ALPL: variants seen among roughly 807,000 people sequenced by gnomAD.
The protein encoded by ALPL is alkaline phosphatase, tissue-nonspecific isozyme.
ALPL carries 42 observed loss-of-function variants against 51.3 expected under a neutral mutation model. That is an observed-to-expected ratio of 0.82 (90% CI 0.64 to 1.06). ALPL has a LOEUF of 1.06. Ranked by LOEUF, ALPL falls within the 50% of genes least tolerant of loss-of-function variation. The pLI is 0.00. For missense variants in ALPL, 589 were observed against 709.4 expected (o/e 0.83, Z 1.93); for synonymous variants, 279 against 296.4 (o/e 0.94, Z 0.60).
At chr1:21,575,665 T>C in intron 9 of ALPL, 68 bp from the exon 10 acceptor site, 2 of 1,579,762 alleles carry the variant, frequency 1.3e-6, no homozygotes, top group Non-Finnish European at 1.7e-6. Context: ...AGCAGCAGTG[T>C]TGTGGGGCTG....
rs764258987 is a variant in ALPL, at chr1:21,573,662, C to T, written c.863-3C>T. The T allele has an allele frequency of 1.2e-6, 2 of 1,613,684 alleles. No homozygotes were observed. The highest frequency in any genetic ancestry group is 3.3e-5 in the Admixed American group (2 of 59,942). ...ATCCACATCCTCCTGGCGTCCTCCT[C>T]AGGTCTCTTCGAGCCAGGGGACATG... is the stretch of plus-strand genomic sequence containing the variant. On this transcript the variant is annotated splice_region_variant and splice_polypyrimidine_tract_variant and intron_variant, in intron 8 of 11. Transcript: ENST00000374840.
chr1:21,558,820 G>A (rs1031303776), intron 2 of ALPL, among the ~76,000 whole-genome samples: 5 of 152,190 alleles, frequency 3.3e-5, no homozygotes, highest in South Asian at 2.1e-4. Context: ...GCACCCTGGC[G>A]GCTCCTCGCC....
chr1:21,570,348 A>AC lies in ALPL; in HGVS notation c.841dup (p.His281ProfsTer57), dbSNP rs1057516526. 6.2e-7 allele frequency: 1 copy of AC among 1,613,762 alleles called. No individual in the cohort carries two copies. Among genetic ancestry groups the AC allele is most frequent in the Non-Finnish European group, 8.5e-7 (1 of 1,179,966 alleles). ...AACCGCACGGAACTCCTGACCCTTG[A>AC]CCCCCACAATGTGGACTACCTATTG... On this transcript the variant is annotated frameshift_variant, in exon 8 of 12. Coordinates refer to ENST00000374840, the MANE Select transcript of ALPL (RefSeq NM_000478.6). LOFTEE classifies it high-confidence loss of function.
rs1643873171 is a variant in ALPL at position 21,520,532 on chromosome 1, A to C, written c.-105+11015A>C. Among the ~76,000 whole-genome samples the C allele has an allele frequency of 3.2e-5, 4 of 124,018 alleles. No individual in the cohort carries two copies. In the Admixed American group the frequency reaches 4.2e-4, roughly 13 times the overall value. 81.4% of individuals were successfully genotyped at this position (124,018 alleles called of 152,430 possible). A position where few individuals can be genotyped will look rare whatever the true frequency, so the allele number is the denominator to read the frequency against. Reference sequence around the variant, plus strand: ...GCCCAGGATGGAGTGCAGTGGCTTGATCTTGGCTCACTGCAGCCTCCCAGG... The same window carrying C: ...GCCCAGGATGGAGTGCAGTGGCTTGCTCTTGGCTCACTGCAGCCTCCCAGG... On this transcript the variant is annotated intron_variant, in intron 1 of 11. Coordinates refer to ENST00000374840, the MANE Select transcript of ALPL (RefSeq NM_000478.6).
intron 9 of ALPL, chr1:21,574,188 G>A (rs1481655127): frequency 2.0e-6 from 2 of 985,334 alleles, no homozygotes; most frequent in Non-Finnish European, 2.4e-6. Flanking sequence ...CTCTTTCAGC[G>A]CCGGCCAGGG....
intron 1 of ALPL, among the ~76,000 whole-genome samples, chr1:21,546,974 G>T (rs1424905949): frequency 1.3e-5 from 2 of 152,220 alleles, no homozygotes; most frequent in East Asian, 3.9e-4. Flanking sequence ...TAGCCAAGGG[G>T]TTCCCTTCCA....
intron 1 of ALPL, among the ~76,000 whole-genome samples, chr1:21,535,798 T>C (rs949471146): frequency 6.6e-6 from 1 of 152,142 alleles, no homozygotes; most frequent in Non-Finnish European, 1.5e-5. Flanking sequence ...CTCAGCCCAC[T>C]CCACTCCAAT....
At chr1:21,573,609 C>A (rs1443476045) in intron 8 of ALPL, 56 bp from the exon 9 acceptor site, 2 of 1,605,022 alleles carry the variant, frequency 1.2e-6, no homozygotes, top group South Asian at 1.1e-5. Flanking sequence ...TCCTTGGAGT[C>A]CTCCTAGCCG....
At chr1:21,549,071 T>G (rs868364542) in intron 1 of ALPL, among the ~76,000 whole-genome samples, 4 of 152,214 alleles carry the variant, frequency 2.6e-5, no homozygotes, top group African/African-American at 9.7e-5. Flanking sequence ...CATAAGCCAG[T>G]GTTAAAAGGA....
At chr1:21,568,492 C>T (rs775066110) in intron 7 of ALPL, among the ~76,000 whole-genome samples, 82 of 151,754 alleles carry the variant, frequency 5.4e-4, no homozygotes, top group African/African-American at 1.1e-3. Flanking sequence ...GAATAACCTG[C>T]GTGGACATTG....
chr1:21,539,481 T>C (rs984311043), intron 1 of ALPL, among the ~76,000 whole-genome samples: 3 of 152,174 alleles, frequency 2.0e-5, no homozygotes, highest in Admixed American at 6.6e-5. Context: ...AAATCACTAA[T>C]GTACGGAAGT....
chr1:21,544,654 G>A (rs1244840529), intron 1 of ALPL, among the ~76,000 whole-genome samples: 3 of 152,204 alleles, frequency 2.0e-5, no homozygotes, highest in Admixed American at 6.5e-5. Flanking sequence ...GCTGAGGCAC[G>A]AGAATTGCTT....
At chr1:21,540,390 G>A (rs956453257) in intron 1 of ALPL, among the ~76,000 whole-genome samples, 2 of 152,178 alleles carry the variant, frequency 1.3e-5, no homozygotes, top group African/African-American at 2.4e-5. Flanking sequence ...CATCATGACC[G>A]TCCTGGAGCC....
At chr1:21,534,072 C>T (rs528289109) in intron 1 of ALPL, among the ~76,000 whole-genome samples, 12 of 152,008 alleles carry the variant, frequency 7.9e-5, no homozygotes, top group Admixed American at 2.0e-4. Flanking sequence ...GCAGCCTAGA[C>T]CTCCTGGGCT....
At chr1:21,562,914 A>G (rs1409768355) in intron 4 of ALPL, among the ~76,000 whole-genome samples, 196 bp from the exon 5 acceptor site, 2 of 152,210 alleles carry the variant, frequency 1.3e-5, no homozygotes, top group African/African-American at 4.8e-5. Context: ...GCCAGGGTGC[A>G]GGGAATGATG....
At chr1:21,571,997 AAAAG>A (rs1018855711) in intron 8 of ALPL, among the ~76,000 whole-genome samples, 9 of 152,106 alleles carry the variant, frequency 5.9e-5, no homozygotes, top group African/African-American at 1.4e-4. Flanking sequence ...TATCTTAAAA[AAAAG>A]AAAGAAAGAA....
chr1:21,573,733 G>T lies in ALPL; in HGVS notation c.931G>T (p.Glu311Ter). The T allele has an allele frequency of 6.2e-7, 1 of 1,614,106 alleles. No individual in the cohort carries two copies. The highest frequency in any genetic ancestry group is 1.1e-5 in the South Asian group (1 of 91,076). ...CAACGTGACGGACCCGTCACTCTCCGAGATGGTGGTGGTGGCCATCCAGAT... is the reference window on the plus strand; with the variant it reads ...CAACGTGACGGACCCGTCACTCTCCTAGATGGTGGTGGTGGCCATCCAGAT... ...RNNVTDPSLS[E>*]MVVVAIQILR... is the part of the protein sequence containing the mutation. The change falls in exon 9 of 12, where the codon GAG becomes TAG. Residue 311 changes from glutamate (E) to a stop codon, truncating the protein, a stop_gained. Transcript: ENST00000374840. LOFTEE classifies it high-confidence loss of function.
intron 4 of ALPL, 130 bp downstream of exon 4, chr1:21,561,342 G>A: frequency 2.6e-6 from 2 of 772,216 alleles, no homozygotes; most frequent in Admixed American, 2.0e-5. Context: ...CTCCCCACCT[G>A]GAGCAGCCAC....
chr1:21,524,585 A>G (rs912774391), intron 1 of ALPL, among the ~76,000 whole-genome samples: 3 of 152,212 alleles, frequency 2.0e-5, no homozygotes, highest in Non-Finnish European at 4.4e-5. Flanking sequence ...TACATGGGTT[A>G]ATCCAGAATT....
Sources: gnomAD v4.1 joint callset for allele counts (sites outside exome capture counted in the v4.1 genomes callset) on GRCh38, gnomAD v4.1.1 for gene constraint, MANE v1.5 for transcripts, NCBI Gene and HGNC (gene_info 2026-07-23, HGNC 2026-07-21) for gene names.